SLC30A7: variants seen among roughly 807,000 people sequenced by gnomAD.
SLC30A7 encodes the protein solute carrier family 30 member 7.
In SLC30A7, 35 loss-of-function variants were observed where a neutral mutation model predicts 46.0. The ratio of observed to expected loss-of-function variants is 0.76; its 90% confidence interval spans 0.58 to 1.01. The LOEUF is 1.01. SLC30A7 is among the 50% of genes least tolerant of loss of function. The pLI, the probability that SLC30A7 is intolerant of heterozygous loss-of-function variation, is 0.00. For missense variants in SLC30A7, 464 were observed against 451.1 expected (o/e 1.03, Z -0.26); for synonymous variants, 147 against 157.8 (o/e 0.93, Z 0.51).
chr1:100,946,035 C>A (rs547730145), intron 8 of SLC30A7, among the ~76,000 whole-genome samples: 4 of 152,122 alleles, frequency 2.6e-5, no homozygotes, highest in Non-Finnish European at 5.9e-5. Context: ...GTATTTTATT[C>A]TCTTTGAAGC....
At chr1:100,897,026 C>A (rs112578365) in intron 2 of SLC30A7, among the ~76,000 whole-genome samples, 3,466 of 151,654 alleles carry the variant, frequency 0.023, 64 homozygotes, top group Middle Eastern at 0.038. Flanking sequence ...CTGCCTCTCT[C>A]GGGGGGGAGT....
At chr1:100,962,688 G>A (rs1192622134) in intron 9 of SLC30A7, among the ~76,000 whole-genome samples, 4 of 152,170 alleles carry the variant, frequency 2.6e-5, no homozygotes, top group African/African-American at 9.7e-5. Flanking sequence ...TCAGTGGGAA[G>A]CATTGGAAAG....
intron 8 of SLC30A7, among the ~76,000 whole-genome samples, chr1:100,961,271 A>G (rs1655536508): frequency 6.6e-6 from 1 of 152,010 alleles, no homozygotes; most frequent in Admixed American, 6.6e-5. Context: ...TGTTTTGTGT[A>G]CATTTAATCA....
the SLC30A7 span, among the ~76,000 whole-genome samples, chr1:100,994,894 C>T: frequency 6.6e-6 from 1 of 152,136 alleles, no homozygotes; most frequent in Non-Finnish European, 1.5e-5. Context: ...CTGTTAGATG[C>T]CAACCACTGT....
chr1:100,964,888 T>C lies in SLC30A7; in HGVS notation c.934-881T>C, dbSNP rs79946593. 3.5e-3 allele frequency among the ~76,000 whole-genome samples: 538 copies of C among 152,292 alleles called. 5 individuals are homozygous for C. Among genetic ancestry groups the C allele is most frequent in the African/African-American group, 0.012 (510 of 41,568 alleles). On this transcript the variant is annotated intron_variant, in intron 9 of 10. Coordinates refer to ENST00000357650, the MANE Select transcript of SLC30A7 (RefSeq NM_133496.5). ...AGTACACCTTGATCTTTTTCCCCAA[T>C]AAAAGCAGTTTTTAAAGAAGGCACG... is the stretch of plus-strand genomic sequence containing the variant.
At chr1:100,965,516 T>C (rs1256633153) in intron 9 of SLC30A7, among the ~76,000 whole-genome samples, 1 of 152,228 alleles carries the variant, frequency 6.6e-6, no homozygotes, top group Non-Finnish European at 1.5e-5. Flanking sequence ...TAAATTTCCC[T>C]GTGGGGCACA....
chr1:100,928,300 A>G (rs998913133), intron 8 of SLC30A7, among the ~76,000 whole-genome samples: 4 of 152,154 alleles, frequency 2.6e-5, no homozygotes, highest in African/African-American at 9.7e-5. Flanking sequence ...ACAAGCCCCA[A>G]CAGTACTGGA....
At chr1:100,916,809 A>G (rs1652592849) in intron 6 of SLC30A7, among the ~76,000 whole-genome samples, 1 of 141,486 alleles carries the variant, frequency 7.1e-6, no homozygotes, top group Non-Finnish European at 1.5e-5. Context: ...CTCTGCTTCC[A>G]TGAGTTTAAT....
At chr1:100,923,724 A>G (rs1220464897) in intron 8 of SLC30A7, among the ~76,000 whole-genome samples, 1 of 152,250 alleles carries the variant, frequency 6.6e-6, no homozygotes. Flanking sequence ...GGCTGCAGAT[A>G]GCTATGATGG....
intron 8 of SLC30A7, among the ~76,000 whole-genome samples, chr1:100,940,333 A>G (rs1179934993): frequency 2.0e-5 from 3 of 152,238 alleles, no homozygotes; most frequent in African/African-American, 4.8e-5. Context: ...TGGCTGAAAT[A>G]TTTACGGTAG....
At position 100,912,210 on chromosome 1, in the gene SLC30A7, T is replaced by G. The variant is rs768430275; in HGVS notation, c.483T>G (p.His161Gln). Residue 161 changes from histidine to glutamine, a missense_variant, in exon 5 of 11, where the codon CAT becomes CAG. His to Gln is a conservative substitution (Grantham distance 24, BLOSUM62 0). Coordinates refer to ENST00000357650, the MANE Select transcript of SLC30A7 (RefSeq NM_133496.5). ...TAATAGGAATATTTGTTTTCAAACA[T>G]GGAGGTCATGGACATTCTCATGGCT... ...VNLIGIFVFK[H>Q]GGHGHSHGSG... The G allele has an allele frequency of 6.2e-6, 10 of 1,614,078 alleles. No individual in the cohort carries two copies. Among genetic ancestry groups the G allele is most frequent in the Non-Finnish European group, 2.5e-6 (3 of 1,179,946 alleles).
chr1:100,993,597 T>TATATATATAG, the SLC30A7 span, among the ~76,000 whole-genome samples: 1 of 130,124 alleles, frequency 7.7e-6, no homozygotes, highest in African/African-American at 2.9e-5. Context: ...TATATATATA[T>TATATATATAG]AGCTATTGTG....
intron 10 of SLC30A7, chr1:100,972,808 A>G (rs1181260884): frequency 6.6e-6 from 1 of 152,102 alleles, no homozygotes; most frequent in African/African-American, 2.4e-5. Context: ...TACCTGGTAT[A>G]TAGCAAGGAT....
intron 9 of SLC30A7, among the ~76,000 whole-genome samples, chr1:100,964,891 A>T (rs1287973740): frequency 6.6e-6 from 1 of 152,184 alleles, no homozygotes; most frequent in East Asian, 1.9e-4. Context: ...TCCCCAATAA[A>T]AGCAGTTTTT....
At chr1:100,921,340 C>A (rs1652925098) in intron 7 of SLC30A7, among the ~76,000 whole-genome samples, 1 of 152,114 alleles carries the variant, frequency 6.6e-6, no homozygotes, top group South Asian at 2.1e-4. Flanking sequence ...TTGACCAGTT[C>A]TTTTAGCCTA....
intron 2 of SLC30A7, among the ~76,000 whole-genome samples, chr1:100,905,472 T>C (rs1193070106): frequency 2.0e-5 from 3 of 152,130 alleles, no homozygotes; most frequent in African/African-American, 7.2e-5. Context: ...ACATTTTCTC[T>C]TTAAATACTT....
chr1:100,971,257 G>A (rs1370434057), intron 10 of SLC30A7, among the ~76,000 whole-genome samples: 1 of 152,128 alleles, frequency 6.6e-6, no homozygotes, highest in Non-Finnish European at 1.5e-5. Flanking sequence ...TCTTCTTGAG[G>A]GAGGGGGTAC....
At chr1:100,905,839 G>A (rs1380612610) in intron 2 of SLC30A7, among the ~76,000 whole-genome samples, 2 of 151,922 alleles carry the variant, frequency 1.3e-5, no homozygotes, top group Admixed American at 1.3e-4. Flanking sequence ...AATTGTATTT[G>A]TTGTTAAAGT....
intron 8 of SLC30A7, among the ~76,000 whole-genome samples, chr1:100,938,177 G>A (rs1032043284): frequency 6.6e-6 from 1 of 152,054 alleles, no homozygotes; most frequent in African/African-American, 2.4e-5. Context: ...CTGCAACCTT[G>A]TTCTTTTTCA....
Sources: gnomAD v4.1 joint callset for allele counts (sites outside exome capture counted in the v4.1 genomes callset) on GRCh38, gnomAD v4.1.1 for gene constraint, MANE v1.5 for transcripts, NCBI Gene and HGNC (gene_info 2026-07-23, HGNC 2026-07-21) for gene names.